The following KCND2 variants were observed in gnomAD, a reference collection of about 807,000 sequenced individuals.
KCND2 encodes potassium voltage-gated channel subfamily D member 2.
In KCND2, 16 loss-of-function variants were observed where a neutral mutation model predicts 54.4. The ratio of observed to expected loss-of-function variants is 0.29; its 90% CI spans 0.20 to 0.45. KCND2 has a LOEUF of 0.45. KCND2 is among the 20% of genes least tolerant of loss of function. KCND2 has a pLI of 1.00. For missense variants in KCND2, 486 were observed against 824.2 expected (o/e 0.59, Z 5.02); for synonymous variants, 317 against 310.7 (o/e 1.02, Z -0.21).
chr7:120,337,261 T>C (rs1185634402), intron 1 of KCND2, among the ~76,000 whole-genome samples: 1 of 152,180 alleles, frequency 6.6e-6, no homozygotes, highest in Non-Finnish European at 1.5e-5. Flanking sequence ...ATAGGTAATT[T>C]AACACATTCA....
intron 1 of KCND2, among the ~76,000 whole-genome samples, chr7:120,366,378 C>T (rs1305287748): frequency 6.6e-6 from 1 of 150,908 alleles, no homozygotes; most frequent in African/African-American, 2.4e-5. Flanking sequence ...TCAGCTGCTA[C>T]TTGGGAGGCT....
chr7:120,417,562 A>T (rs1265143051), intron 1 of KCND2, among the ~76,000 whole-genome samples: 1 of 152,214 alleles, frequency 6.6e-6, no homozygotes, highest in Non-Finnish European at 1.5e-5. Flanking sequence ...GCTGTAAAAA[A>T]TCTGTTGAGA....
rs186267961 is a variant in KCND2, at chr7:120,672,337, A to C, written c.1116-60566A>C. 4.6e-5 allele frequency among the ~76,000 whole-genome samples: 7 copies of C among 152,182 alleles called. No homozygotes were observed. In the East Asian group the frequency reaches 1.2e-3, roughly 25 times the overall value. The stretch of plus-strand genomic sequence containing the variant: ...AAATTCTACTCCAAAAACCACTCTC[A>C]CTACAATTATCAATATACTCTTTGA... On this transcript the variant is annotated intron_variant, in intron 1 of 5. Transcript: ENST00000331113.
At chr7:120,326,336 C>T (rs1036440186) in intron 1 of KCND2, among the ~76,000 whole-genome samples, 2 of 152,096 alleles carry the variant, frequency 1.3e-5, no homozygotes, top group African/African-American at 2.4e-5. Context: ...AAATGACACT[C>T]GTTTTAACTT....
At chr7:120,388,042 A>G (rs1440352141) in intron 1 of KCND2, among the ~76,000 whole-genome samples, 4 of 152,048 alleles carry the variant, frequency 2.6e-5, no homozygotes, top group South Asian at 2.1e-4. Flanking sequence ...TAAAGTTCTG[A>G]TAGAATAAAT....
chr7:120,618,382 A>G (rs1437030063), intron 1 of KCND2, among the ~76,000 whole-genome samples: 3 of 152,188 alleles, frequency 2.0e-5, no homozygotes, highest in South Asian at 4.1e-4. Context: ...CTTTATTCCA[A>G]TGATCATTAA....
chr7:120,348,263 G>T (rs1800354679), intron 1 of KCND2, among the ~76,000 whole-genome samples: 1 of 152,126 alleles, frequency 6.6e-6, no homozygotes. Context: ...TGTTATAGAT[G>T]AATCTGGTTA....
chr7:120,704,987 A>G (rs1792448181), intron 1 of KCND2, among the ~76,000 whole-genome samples: 1 of 152,212 alleles, frequency 6.6e-6, no homozygotes, highest in Non-Finnish European at 1.5e-5. Flanking sequence ...CCCTTTTTAA[A>G]AAGAATTCAT....
chr7:120,742,955 T>C (rs1792960533), intron 4 of KCND2, among the ~76,000 whole-genome samples: 1 of 152,176 alleles, frequency 6.6e-6, no homozygotes, highest in Admixed American at 6.5e-5. Context: ...AAAAAATTAA[T>C]GGTGCTCGAG....
At chr7:120,449,467 T>G (rs913593308) in intron 1 of KCND2, among the ~76,000 whole-genome samples, 4 of 152,238 alleles carry the variant, frequency 2.6e-5, no homozygotes, top group African/African-American at 9.6e-5. Flanking sequence ...ATTTTAGATC[T>G]ATGTAAGACA....
At chr7:120,394,903 TAA>T (rs1356503197) in intron 1 of KCND2, among the ~76,000 whole-genome samples, 3 of 151,950 alleles carry the variant, frequency 2.0e-5, no homozygotes, top group African/African-American at 4.8e-5. Flanking sequence ...GAGAAAAAAA[TAA>T]GTTTCTTTTA....
chr7:120,448,241 C>T (rs1802047989), intron 1 of KCND2, among the ~76,000 whole-genome samples: 1 of 150,170 alleles, frequency 6.7e-6, no homozygotes, highest in Non-Finnish European at 1.5e-5. Context: ...CAAGTGTTCT[C>T]ATTGTTCAAT....
intron 1 of KCND2, among the ~76,000 whole-genome samples, chr7:120,381,033 T>G (rs1800909384): frequency 6.6e-6 from 1 of 152,024 alleles, no homozygotes; most frequent in Non-Finnish European, 1.5e-5. Flanking sequence ...TCTCAGCACT[T>G]TGGGAGGCTG....
chr7:120,536,849 T>C (rs1791917949), intron 1 of KCND2, among the ~76,000 whole-genome samples: 1 of 152,226 alleles, frequency 6.6e-6, no homozygotes, highest in South Asian at 2.1e-4. Flanking sequence ...TAAACTTCTT[T>C]CTTTTTAATT....
At chr7:120,539,418 A>G (rs1791952263) in intron 1 of KCND2, among the ~76,000 whole-genome samples, 1 of 152,176 alleles carries the variant, frequency 6.6e-6, no homozygotes, top group South Asian at 2.1e-4. Context: ...CAATGTCTGC[A>G]ATGCACATGA....
At chr7:120,737,076 A>AC (rs1562924321) in intron 2 of KCND2, among the ~76,000 whole-genome samples, 9 of 138,298 alleles carry the variant, frequency 6.5e-5, no homozygotes, top group East Asian at 4.5e-4. Flanking sequence ...ACACACACAC[A>AC]AACAAAAAAA....
intron 1 of KCND2, among the ~76,000 whole-genome samples, chr7:120,469,714 C>T (rs1409370446): frequency 6.6e-6 from 1 of 152,080 alleles, no homozygotes; most frequent in East Asian, 1.9e-4. Flanking sequence ...AATAGATCAG[C>T]ACAAATTTCT....
intron 1 of KCND2, among the ~76,000 whole-genome samples, chr7:120,400,278 G>T (rs540407516): frequency 3.9e-5 from 6 of 152,226 alleles, no homozygotes; most frequent in African/African-American, 1.4e-4. Flanking sequence ...ATAAGGAGGA[G>T]TACTTTAGGC....
chr7:120,509,826 C>T (rs1803084429), intron 1 of KCND2, among the ~76,000 whole-genome samples: 1 of 151,988 alleles, frequency 6.6e-6, no homozygotes, highest in African/African-American at 2.4e-5. Flanking sequence ...TCCACAATTC[C>T]TTCAATAAGG....
Sources: allele counts gnomAD v4.1 joint callset (sites outside exome capture counted in the v4.1 genomes callset), GRCh38; gene constraint gnomAD v4.1.1; transcripts MANE v1.5; gene names NCBI Gene and HGNC (gene_info 2026-07-23, HGNC 2026-07-21).